Variants in WDFY3 observed in about 807,000 individuals in gnomAD.
The protein encoded by WDFY3 is WD repeat and FYVE domain containing 3.
A neutral mutation model predicts 409.6 loss-of-function variants in WDFY3; 66 were observed. The ratio of observed to expected loss-of-function variants is 0.16; its 90% CI spans 0.13 to 0.20. The LOEUF is 0.20. Among genes scored for constraint, WDFY3 ranks in the 10% least tolerant of loss-of-function variants. The pLI, the probability that WDFY3 is intolerant of heterozygous loss-of-function variation, is 1.00. For missense variants in WDFY3, 3,031 were observed against 4,298.1 expected (o/e 0.71, Z 8.24); for synonymous variants, 1,521 against 1,537.1 (o/e 0.99, Z 0.25).
At chr4:84,853,559 A>T (rs1375334686) in intron 4 of WDFY3, among the ~76,000 whole-genome samples, 1 of 152,206 alleles carries the variant, frequency 6.6e-6, no homozygotes, top group Non-Finnish European at 1.5e-5. Flanking sequence ...AAGAATTAGT[A>T]TGAGGTATTT....
At chr4:84,899,502 C>T (rs1358726488) in intron 2 of WDFY3, among the ~76,000 whole-genome samples, 4 of 152,166 alleles carry the variant, frequency 2.6e-5, no homozygotes, top group Non-Finnish European at 5.9e-5. Context: ...AAATTGCAAT[C>T]CCATTCCTAA....
chr4:84,867,922 G>A (rs142174973), intron 3 of WDFY3, among the ~76,000 whole-genome samples: 1,652 of 152,148 alleles, frequency 0.011, 11 homozygotes, highest in Non-Finnish European at 0.019. Context: ...TGTAATCCCA[G>A]CACTTTGGGA....
At chr4:84,774,440 G>A (rs776837103) in intron 29 of WDFY3, among the ~76,000 whole-genome samples, 5 of 152,274 alleles carry the variant, frequency 3.3e-5, no homozygotes, top group Admixed American at 6.5e-5. Flanking sequence ...AAAAAATAGC[G>A]GTGGCACACC....
chr4:84,710,594 A>G (rs1017701741), intron 51 of WDFY3, among the ~76,000 whole-genome samples: 3 of 152,214 alleles, frequency 2.0e-5, no homozygotes, highest in African/African-American at 7.2e-5. Context: ...CATCAGGCAA[A>G]TTGAATGTAC....
At chr4:84,923,827 C>T (rs1178110621) in intron 2 of WDFY3, among the ~76,000 whole-genome samples, 2 of 152,132 alleles carry the variant, frequency 1.3e-5, no homozygotes, top group African/African-American at 2.4e-5. Flanking sequence ...GGTGAAAACC[C>T]TTCTCTACTA....
Position 84,860,517 on chromosome 4 carries a change from C to G in WDFY3, c.75G>C (p.Leu25=). Residue 25 remains leucine, a synonymous_variant, in exon 4 of 68, where the codon CTG becomes CTC. Transcript: ENST00000295888. ...ECSPQDNALG[L]MHLRRLFTEL... ...CCGTGAAGAGCCGGCGGAGGTGCAT[C>G]AGTCCTAAGGCGTTGTCTTGTGGGC... The G allele has an allele frequency of 4.3e-6, 7 of 1,614,120 alleles. No individual in the cohort carries two copies. Among genetic ancestry groups the G allele is most frequent in the Non-Finnish European group, 5.1e-6 (6 of 1,179,994 alleles).
intron 13 of WDFY3, 133 bp downstream of exon 13, chr4:84,817,259 G>T: frequency 9.0e-7 from 1 of 1,113,550 alleles, no homozygotes; most frequent in Non-Finnish European, 1.3e-6. Flanking sequence ...TTCCTAACGT[G>T]TACAAAGTTG....
intron 2 of WDFY3, among the ~76,000 whole-genome samples, chr4:84,919,294 G>C (rs1047221784): frequency 6.6e-6 from 1 of 152,122 alleles, no homozygotes; most frequent in Admixed American, 6.6e-5. Flanking sequence ...GTAGAATGCT[G>C]AGTAATGACT....
intron 58 of WDFY3, among the ~76,000 whole-genome samples, chr4:84,695,240 C>T (rs1729891198): frequency 2.0e-5 from 3 of 152,034 alleles, no homozygotes; most frequent in African/African-American, 7.2e-5. Context: ...TATCTGGGTG[C>T]TGAGAGGCTT....
At chr4:84,783,691 T>A (rs1746964243) in intron 24 of WDFY3, among the ~76,000 whole-genome samples, 1 of 152,180 alleles carries the variant, frequency 6.6e-6, no homozygotes, top group Admixed American at 6.5e-5. Flanking sequence ...CAAGTAAACA[T>A]AAGTTATCCA....
At chr4:84,922,287 C>A (rs1386954844) in intron 2 of WDFY3, among the ~76,000 whole-genome samples, 1 of 152,058 alleles carries the variant, frequency 6.6e-6, no homozygotes, top group Non-Finnish European at 1.5e-5. Context: ...AGAGTCTTCT[C>A]AGGACAAAAA....
At chr4:84,939,603 T>G (rs1021680778) in intron 1 of WDFY3, among the ~76,000 whole-genome samples, 7 of 152,188 alleles carry the variant, frequency 4.6e-5, no homozygotes, top group African/African-American at 9.7e-5. Context: ...TTTATTATCA[T>G]TATGGATTTA....
chr4:84,919,699 C>T (rs1312607778), intron 2 of WDFY3, among the ~76,000 whole-genome samples: 2 of 152,096 alleles, frequency 1.3e-5, no homozygotes, highest in Non-Finnish European at 2.9e-5. Flanking sequence ...CTCCTGCCTC[C>T]AAGTGAAGAA....
At chr4:84,900,689 C>G (rs1449819059) in intron 2 of WDFY3, among the ~76,000 whole-genome samples, 1 of 152,092 alleles carries the variant, frequency 6.6e-6, no homozygotes, top group African/African-American at 2.4e-5. Context: ...GTGAGAGAGA[C>G]TGTGACTATA....
chr4:84,947,609 C>A (rs978610659), intron 1 of WDFY3, among the ~76,000 whole-genome samples: 10 of 148,546 alleles, frequency 6.7e-5, no homozygotes, highest in Non-Finnish European at 1.5e-4. Context: ...GTGGCTCACA[C>A]GTGTAAACCC....
intron 1 of WDFY3, among the ~76,000 whole-genome samples, chr4:84,936,124 C>T (rs1579199204): frequency 6.6e-6 from 1 of 152,110 alleles, no homozygotes; most frequent in East Asian, 1.9e-4. Flanking sequence ...AACCTGAATT[C>T]CAGACTTAGC....
chr4:84,810,936 A>AC (rs1752389446), intron 13 of WDFY3, among the ~76,000 whole-genome samples: 1 of 113,264 alleles, frequency 8.8e-6, no homozygotes, highest in African/African-American at 3.0e-5. Context: ...AAAGAAAACA[A>AC]GTAAATAAGT....
chr4:84,751,442 A>G, intron 36 of WDFY3, 41 bp downstream of exon 36: 1 of 1,593,236 alleles, frequency 6.3e-7, no homozygotes, highest in African/African-American at 1.3e-5. Flanking sequence ...TAATTTAAAA[A>G]GTAATGCAAA....
At chr4:84,930,260 G>T (rs1377354367) in intron 2 of WDFY3, among the ~76,000 whole-genome samples, 3 of 152,074 alleles carry the variant, frequency 2.0e-5, no homozygotes, top group East Asian at 3.9e-4. Flanking sequence ...GATGCCCAAA[G>T]GTCTTTATTA....
Sources: gnomAD v4.1 joint callset for allele counts (sites outside exome capture counted in the v4.1 genomes callset) on GRCh38, gnomAD v4.1.1 for gene constraint, MANE v1.5 for transcripts, NCBI Gene and HGNC (gene_info 2026-07-23, HGNC 2026-07-21) for gene names.